The following FBXW2 variants were observed in gnomAD, a reference collection of about 807,000 sequenced individuals.
The protein encoded by FBXW2 is F-box/WD repeat-containing protein 2.
FBXW2 carries 12 observed loss-of-function variants against 46.0 expected under a neutral mutation model. The observed-to-expected ratio is 0.26, with a 90% CI of 0.17 to 0.42. FBXW2 has a LOEUF of 0.42. FBXW2 is among the 10% of genes least tolerant of loss of function. The pLI, the probability that FBXW2 is intolerant of heterozygous loss-of-function variation, is 1.00. For missense variants in FBXW2, 360 were observed against 537.0 expected (o/e 0.67, Z 3.26); for synonymous variants, 203 against 209.6 (o/e 0.97, Z 0.27).
chr9:120,790,109 A>C (rs1413747093), intron 2 of FBXW2, among the ~76,000 whole-genome samples: 1 of 152,232 alleles, frequency 6.6e-6, no homozygotes, highest in African/African-American at 2.4e-5. Context: ...ATAATTTGCA[A>C]CAAGACAAAG....
At chr9:120,791,318 G>A (rs2044835728) in intron 2 of FBXW2, among the ~76,000 whole-genome samples, 1 of 152,274 alleles carries the variant, frequency 6.6e-6, no homozygotes, top group Admixed American at 6.5e-5. Context: ...CCATTACCAC[G>A]AACAGTCAAG....
intron 3 of FBXW2, 100 bp from the exon 4 acceptor site, chr9:120,778,645 C>T: frequency 3.1e-6 from 3 of 978,988 alleles, no homozygotes; most frequent in South Asian, 3.2e-5. Context: ...TTAACGGTCC[C>T]TTCCTCTAGC....
In FBXW2 at chr9:120,776,193, A is replaced by G. The variant is rs749846066; in HGVS notation, c.719T>C (p.Ile240Thr). Residue 240 changes from isoleucine to threonine, a missense_variant, in exon 5 of 8, where the codon ATC becomes ACC. Coordinates refer to ENST00000608872, the MANE Select transcript of FBXW2 (RefSeq NM_012164.4). ...GAAGTCTGCAGAGCCGCTCACCAAGATATCCAGTTCATCATTGTAGTCCAC... is the reference window on the plus strand; with the variant it reads ...GAAGTCTGCAGAGCCGCTCACCAAGGTATCCAGTTCATCATTGTAGTCCAC... ...FSVDYNDELDILVSGSADFTV... is the reference protein window; with the variant it reads ...FSVDYNDELDTLVSGSADFTV... 3.7e-5 allele frequency: 60 copies of G among 1,614,070 alleles called. No individual in the cohort carries two copies. The highest frequency in any genetic ancestry group is 5.1e-5 in the Non-Finnish European group (60 of 1,180,040).
chr9:120,768,945 GTGAAGA>G (rs1378958486), intron 7 of FBXW2, among the ~76,000 whole-genome samples: 1 of 152,204 alleles, frequency 6.6e-6, no homozygotes, highest in African/African-American at 2.4e-5. Context: ...CTCAAGATCT[GTGAAGA>G]TGAGCTGATT....
At chr9:120,777,217 A>C (rs2044515461) in intron 4 of FBXW2, among the ~76,000 whole-genome samples, 2 of 152,254 alleles carry the variant, frequency 1.3e-5, no homozygotes, top group South Asian at 4.1e-4. Context: ...TGTGGAACAT[A>C]ACACTCAATT....
At position 120,760,289 on chromosome 9, in the gene FBXW2, G is replaced by A. The variant is rs2044177330; in HGVS notation, c.*4270C>T. ...CTCGCTTCCCAACAGAGAAAGGCAA[G>A]TGGCTTCATACACCAAGGCCCAGAG... On this transcript the variant is annotated 3_prime_UTR_variant, in exon 8 of 8. Coordinates refer to ENST00000608872, the MANE Select transcript of FBXW2 (RefSeq NM_012164.4). The A allele has an allele frequency of 1.3e-5, 2 of 152,336 alleles. No individual in the cohort carries two copies. The highest frequency in any genetic ancestry group is 1.3e-4 in the Admixed American group (2 of 15,276). 9.4% of individuals were successfully genotyped at this position (152,336 alleles called of 1,614,324 possible).
At position 120,787,742 on chromosome 9, in the gene FBXW2, C is replaced by G. The variant is rs750895318; in HGVS notation, c.490+27G>C. 1.5e-5 allele frequency: 23 copies of G among 1,579,526 alleles called. No homozygotes were observed. In the South Asian group the frequency reaches 2.1e-4, roughly 15 times the overall value. ...CACCCTATGAAATACAAAACAAAAC[C>G]CAAAAAGCAGTTTCAACATCTCTTA... On this transcript the variant is annotated intron_variant, in intron 3 of 7. Coordinates refer to ENST00000608872, the MANE Select transcript of FBXW2 (RefSeq NM_012164.4).
intron 4 of FBXW2, among the ~76,000 whole-genome samples, chr9:120,777,522 A>C (rs1185274524): frequency 6.6e-6 from 1 of 152,204 alleles, no homozygotes; most frequent in Non-Finnish European, 1.5e-5. Flanking sequence ...ACAGTAATAC[A>C]AGTTACTGGG....
At chr9:120,782,828 G>C (rs1289709906) in intron 3 of FBXW2, among the ~76,000 whole-genome samples, 3 of 152,042 alleles carry the variant, frequency 2.0e-5, no homozygotes, top group African/African-American at 4.8e-5. Context: ...TCCAACCTGG[G>C]CTACAGAGTG....
chr9:120,771,336 A>C lies in FBXW2; in HGVS notation c.1076+12T>G. 6.2e-7 allele frequency: 1 copy of C among 1,603,640 alleles called. No individual in the cohort carries two copies. The highest frequency in any genetic ancestry group is 8.5e-7 in the Non-Finnish European group (1 of 1,174,752). On this transcript the variant is annotated intron_variant, in intron 7 of 7. Transcript: ENST00000608872. ...TTTCAAAGGTAAAGCGTGAGGTCGA[A>C]GGAAACATTACCTGAGAATATCATA...
At chr9:120,784,196 A>G (rs1297151264) in intron 3 of FBXW2, among the ~76,000 whole-genome samples, 1 of 152,254 alleles carries the variant, frequency 6.6e-6, no homozygotes, top group Non-Finnish European at 1.5e-5. Flanking sequence ...AGAATTGTAG[A>G]TATTAACTTT....
At chr9:120,788,561 G>A (rs1010907554) in intron 2 of FBXW2, among the ~76,000 whole-genome samples, 5 of 152,144 alleles carry the variant, frequency 3.3e-5, no homozygotes, top group African/African-American at 7.2e-5. Context: ...AGTCTAGCAC[G>A]TGCTACATGC....
intron 3 of FBXW2, among the ~76,000 whole-genome samples, chr9:120,785,660 T>C (rs2044704237): frequency 6.6e-6 from 1 of 152,104 alleles, no homozygotes; most frequent in African/African-American, 2.4e-5. Context: ...GTGAGACTCC[T>C]GAGGGAGAAG....
At chr9:120,777,385 ATCACTAAGCACCAG>A (rs2044519477) in intron 4 of FBXW2, among the ~76,000 whole-genome samples, 1 of 152,268 alleles carries the variant, frequency 6.6e-6, no homozygotes, top group Admixed American at 6.5e-5. Context: ...ACTTCAAAGA[ATCACTAAGCACCAG>A]GTACAGTGCA....
intron 7 of FBXW2, among the ~76,000 whole-genome samples, chr9:120,767,240 G>T (rs760032275): frequency 9.2e-5 from 14 of 152,104 alleles, no homozygotes; most frequent in Non-Finnish European, 1.6e-4. Flanking sequence ...ATATCAACAA[G>T]ACATCACTTC....
Position 120,762,917 on chromosome 9 carries a change from A to C in FBXW2, c.*1642T>G, listed in dbSNP as rs1420625679. ...AGGGGAGACAGCTGAAGAGCGGCTG[A>C]GATTTTTCTACTGCTTGCTCCCTCT... On this transcript the variant is annotated 3_prime_UTR_variant, in exon 8 of 8. Coordinates refer to ENST00000608872, the MANE Select transcript of FBXW2 (RefSeq NM_012164.4). 6.6e-6 allele frequency: 1 copy of C among 152,116 alleles called. No homozygotes were observed. The highest frequency in any genetic ancestry group is 1.5e-5 in the Non-Finnish European group (1 of 68,012). 9.4% of individuals were successfully genotyped at this position (152,116 alleles called of 1,614,324 possible). A position where few individuals can be genotyped will look rare whatever the true frequency, so the allele number is the denominator to read the frequency against.
chr9:120,777,480 A>G (rs2044521430), intron 4 of FBXW2, among the ~76,000 whole-genome samples: 1 of 152,230 alleles, frequency 6.6e-6, no homozygotes, highest in Admixed American at 6.5e-5. Flanking sequence ...TCTGGTGGGG[A>G]AGCAAGATTA....
intron 7 of FBXW2, among the ~76,000 whole-genome samples, chr9:120,769,802 C>T (rs1334275219): frequency 6.6e-6 from 1 of 152,190 alleles, no homozygotes; most frequent in African/African-American, 2.4e-5. Context: ...TGGGCAAGGC[C>T]CCTACCCTGT....
intron 2 of FBXW2, chr9:120,792,591 G>T: frequency 5.3e-6 from 1 of 188,642 alleles, no homozygotes; most frequent in South Asian, 7.8e-5. Flanking sequence ...TTTTTTTAAA[G>T]CTTTGAAAGA....
Sources: gnomAD v4.1 joint callset for allele counts (sites outside exome capture counted in the v4.1 genomes callset) on GRCh38, gnomAD v4.1.1 for gene constraint, MANE v1.5 for transcripts, NCBI Gene and HGNC (gene_info 2026-07-23, HGNC 2026-07-21) for gene names.